Variants in EDIL3 observed in about 807,000 individuals in gnomAD.
EDIL3 encodes the protein EGF like and discoidin domains 3, also known as EGF-like repeat and discoidin I-like domain-containing protein 3.
EDIL3 carries 37 observed loss-of-function variants against 67.4 expected under a neutral mutation model. That is an observed-to-expected ratio of 0.55 (90% CI 0.42 to 0.72). The LOEUF is 0.72. Among genes scored for constraint, EDIL3 ranks in the 30% least tolerant of loss-of-function variants. EDIL3 has a pLI of 0.00. For synonymous variants in EDIL3, 195 were observed against 196.3 expected, an observed-to-expected ratio of 0.99 and a Z score of 0.05; for missense variants, 527 against 586.3, an observed-to-expected ratio of 0.90 and a Z score of 1.04.
At chr5:84,340,551 T>C (rs1434798043) in intron 1 of EDIL3, among the ~76,000 whole-genome samples, 1 of 137,948 alleles carries the variant, frequency 7.2e-6, no homozygotes, top group East Asian at 2.1e-4. Context: ...TATATATATA[T>C]ATATATATAT....
intron 2 of EDIL3, among the ~76,000 whole-genome samples, chr5:84,231,226 C>G (rs1222987092): frequency 6.6e-6 from 1 of 152,198 alleles, no homozygotes; most frequent in Non-Finnish European, 1.5e-5. Context: ...CAATAACCTA[C>G]TGCCCTGTGT....
intron 1 of EDIL3, among the ~76,000 whole-genome samples, chr5:84,382,104 G>A (rs1748088472): frequency 6.6e-6 from 1 of 152,158 alleles, no homozygotes; most frequent in African/African-American, 2.4e-5. Context: ...AAATTAGAGA[G>A]GTGCAAGTTT....
At chr5:84,375,624 A>C (rs1350244140) in intron 1 of EDIL3, among the ~76,000 whole-genome samples, 1 of 152,238 alleles carries the variant, frequency 6.6e-6, no homozygotes, top group Non-Finnish European at 1.5e-5. Flanking sequence ...TTACAGAGAA[A>C]GCATGCTTCT....
chr5:84,320,950 C>T (rs1192477299), intron 1 of EDIL3, among the ~76,000 whole-genome samples: 2 of 152,102 alleles, frequency 1.3e-5, no homozygotes, highest in Non-Finnish European at 2.9e-5. Flanking sequence ...TTACTTTGTG[C>T]TGAGAATTTT....
chr5:84,034,570 T>C (rs1410485925), intron 9 of EDIL3, among the ~76,000 whole-genome samples: 1 of 152,298 alleles, frequency 6.6e-6, no homozygotes, highest in Non-Finnish European at 1.5e-5. Context: ...CTTGCTATAA[T>C]TTTACCTACC....
chr5:84,072,525 G>A (rs1746758988), intron 6 of EDIL3, among the ~76,000 whole-genome samples: 2 of 152,086 alleles, frequency 1.3e-5, no homozygotes, highest in Admixed American at 6.6e-5. Flanking sequence ...GTTTTCATGT[G>A]ATAGTGTAAT....
intron 3 of EDIL3, among the ~76,000 whole-genome samples, chr5:84,209,949 G>A (rs1416086767): frequency 6.6e-6 from 1 of 152,134 alleles, no homozygotes; most frequent in Non-Finnish European, 1.5e-5. Context: ...CCTGAATCTG[G>A]AAAGAGCTTA....
chr5:84,302,035 T>C (rs578255994), intron 1 of EDIL3, among the ~76,000 whole-genome samples: 1 of 152,258 alleles, frequency 6.6e-6, no homozygotes, highest in East Asian at 1.9e-4. Flanking sequence ...ATAAAAATAT[T>C]TTTCTTTATA....
At chr5:83,960,962 A>G (rs1744596762) in intron 10 of EDIL3, among the ~76,000 whole-genome samples, 1 of 151,074 alleles carries the variant, frequency 6.6e-6, no homozygotes, top group African/African-American at 2.4e-5. Context: ...GCTGCATAGA[A>G]GGAATACTTT....
chr5:84,236,809 T>C (rs1487879342), intron 2 of EDIL3, among the ~76,000 whole-genome samples: 1 of 151,648 alleles, frequency 6.6e-6, no homozygotes, highest in African/African-American at 2.4e-5. Context: ...CTTTGTAAAA[T>C]GAGGATTGAA....
rs575654332 is a variant in EDIL3, at chr5:84,335,736, T to C, written c.67+48572A>G. Among the ~76,000 whole-genome samples the C allele has an allele frequency of 3.9e-5, 6 of 152,324 alleles. No individual in the cohort carries two copies. In the South Asian group the frequency reaches 6.2e-4, roughly 16 times the overall value. On this transcript the variant is annotated intron_variant, in intron 1 of 10. Transcript: ENST00000296591. The stretch of plus-strand genomic sequence containing the variant: ...AAGTGAAGAAAAGGTAGAGGGGTTA[T>C]GGAAGATATCTTAGAGGAGGATGTC...
intron 4 of EDIL3, among the ~76,000 whole-genome samples, chr5:84,141,782 C>T (rs1326040074): frequency 6.7e-6 from 1 of 148,872 alleles, no homozygotes; most frequent in Non-Finnish European, 1.5e-5. Context: ...CATACATAAC[C>T]CACATTACAG....
intron 10 of EDIL3, among the ~76,000 whole-genome samples, chr5:83,957,871 A>G (rs1744540816): frequency 1.3e-5 from 2 of 151,648 alleles, no homozygotes; most frequent in Non-Finnish European, 3.0e-5. Flanking sequence ...TTTTTTTCTC[A>G]CATGGAATCT....
At chr5:84,204,149 C>A (rs1412630001) in intron 3 of EDIL3, among the ~76,000 whole-genome samples, 2 of 152,098 alleles carry the variant, frequency 1.3e-5, no homozygotes, top group Non-Finnish European at 2.9e-5. Flanking sequence ...ATAAACTTAA[C>A]CAACATAATA....
chr5:84,253,235 T>C (rs926803493), intron 2 of EDIL3, among the ~76,000 whole-genome samples: 4 of 152,204 alleles, frequency 2.6e-5, no homozygotes, highest in Non-Finnish European at 5.9e-5. Flanking sequence ...CCTGTTTCTC[T>C]AAGGTTTATG....
chr5:84,273,460 G>T (rs1408900461), intron 1 of EDIL3, among the ~76,000 whole-genome samples: 1 of 152,126 alleles, frequency 6.6e-6, no homozygotes, highest in Non-Finnish European at 1.5e-5. Flanking sequence ...TTGCTCCCAC[G>T]TGTAAAAAGT....
intron 1 of EDIL3, among the ~76,000 whole-genome samples, chr5:84,284,624 T>C (rs1046421803): frequency 2.6e-5 from 4 of 152,196 alleles, no homozygotes; most frequent in African/African-American, 9.6e-5. Context: ...TTTCTGTTTT[T>C]GTTGCTTTTG....
At chr5:84,296,640 T>C (rs933677602) in intron 1 of EDIL3, among the ~76,000 whole-genome samples, 6 of 152,206 alleles carry the variant, frequency 3.9e-5, no homozygotes, top group African/African-American at 1.4e-4. Flanking sequence ...TAAAGGAAAC[T>C]GGTGCAGAAG....
At chr5:84,131,704 A>T (rs1034657088) in intron 5 of EDIL3, among the ~76,000 whole-genome samples, 12 of 152,224 alleles carry the variant, frequency 7.9e-5, no homozygotes, top group Non-Finnish European at 1.2e-4. Context: ...AGTGCTTGAC[A>T]CATAGTAATG....
Sources: allele counts gnomAD v4.1 joint callset (sites outside exome capture counted in the v4.1 genomes callset), GRCh38; gene constraint gnomAD v4.1.1; transcripts MANE v1.5; gene names NCBI Gene and HGNC (gene_info 2026-07-23, HGNC 2026-07-21).